Variants in NXPE2 observed in about 807,000 individuals in gnomAD.
NXPE2 encodes the protein neurexophilin and PC-esterase domain family member 2.
Under a neutral mutation model 34.4 loss-of-function variants are expected in NXPE2, and 34 were observed. That is an observed-to-expected ratio of 0.99 (90% CI 0.75 to 1.31). NXPE2 has a LOEUF of 1.31. Among genes scored for constraint, NXPE2 ranks in the 40% most tolerant of loss-of-function variants. The pLI, the probability that NXPE2 is intolerant of heterozygous loss-of-function variation, is 0.00. For synonymous variants in NXPE2, 235 were observed against 231.3 expected, an observed-to-expected ratio of 1.02 and a Z score of -0.15; for missense variants, 649 against 672.5, an observed-to-expected ratio of 0.97 and a Z score of 0.39.
the NXPE2 span, among the ~76,000 whole-genome samples, chr11:114,657,433 G>C: frequency 6.6e-6 from 1 of 152,066 alleles, no homozygotes; most frequent in Non-Finnish European, 1.5e-5. Flanking sequence ...CAGTATTAGT[G>C]ATATCCAAGA....
chr11:114,621,730 G>A, the NXPE2 span, among the ~76,000 whole-genome samples: 2 of 151,998 alleles, frequency 1.3e-5, no homozygotes, highest in African/African-American at 4.8e-5. Flanking sequence ...TTGCCCTGTG[G>A]GTAACCACGG....
the NXPE2 span, among the ~76,000 whole-genome samples, chr11:114,500,908 T>A: frequency 1.3e-5 from 2 of 152,218 alleles, no homozygotes; most frequent in African/African-American, 4.8e-5. Context: ...TTGGTGACTT[T>A]GTTGAAAATC....
chr11:114,629,466 A>C, the NXPE2 span, among the ~76,000 whole-genome samples: 4 of 151,480 alleles, frequency 2.6e-5, no homozygotes, highest in Admixed American at 6.6e-5. Flanking sequence ...GACAAAATTC[A>C]ACAACCCTTC....
the NXPE2 span, among the ~76,000 whole-genome samples, chr11:114,751,478 A>T: frequency 6.6e-6 from 1 of 152,172 alleles, no homozygotes; most frequent in Non-Finnish European, 1.5e-5. Context: ...TATATCAGTA[A>T]ACAAAAGTGA....
chr11:114,705,787 A>G lies in NXPE2; in HGVS notation c.935A>G (p.Glu312Gly). The G allele has an allele frequency of 6.8e-7, 1 of 1,462,982 alleles. No individual in the cohort carries two copies. The allele number at this position is 1,462,982 out of a possible 1,614,324, so 90.6% of individuals were successfully genotyped here. The change falls in exon 5 of 6, where the codon GAG becomes GGG. Residue 312 changes from glutamate to glycine, a missense_variant. Glu to Gly is a moderately conservative substitution (Grantham distance 98). Transcript: ENST00000389586. ...TGGAAATTTGTATTGCCAGAGAGCG[A>G]GAACATAAAAAAGAACTGCCAGATT... ...PIEVIPCNKS[E>G]NIKKNCQIGM...
At chr11:114,510,940 A>G in the NXPE2 span, among the ~76,000 whole-genome samples, 2 of 152,332 alleles carry the variant, frequency 1.3e-5, no homozygotes, top group Non-Finnish European at 2.9e-5. Flanking sequence ...TAGTAATGCA[A>G]ACACTAACTT....
At chr11:114,573,064 C>G in the NXPE2 span, among the ~76,000 whole-genome samples, 1 of 152,010 alleles carries the variant, frequency 6.6e-6, no homozygotes, top group African/African-American at 2.4e-5. Context: ...ATTTTAGCCT[C>G]CTTAAACAAA....
At chr11:114,638,625 T>A in the NXPE2 span, among the ~76,000 whole-genome samples, 1 of 152,064 alleles carries the variant, frequency 6.6e-6, no homozygotes, top group Non-Finnish European at 1.5e-5. Context: ...ATGATGGTGA[T>A]GTACAGATAG....
upstream of NXPE2, among the ~76,000 whole-genome samples, chr11:114,676,354 C>T (rs78390381): frequency 7.7e-4 from 117 of 151,814 alleles, no homozygotes; most frequent in East Asian, 0.022. Flanking sequence ...GCAAACCATA[C>T]ATCTGATAAG....
the NXPE2 span, among the ~76,000 whole-genome samples, chr11:114,754,030 C>A: frequency 2.0e-5 from 3 of 152,288 alleles, no homozygotes; most frequent in South Asian, 6.2e-4. Context: ...AGTTTTAAAT[C>A]ACTTCTTTGT....
At chr11:114,509,334 T>C in the NXPE2 span, among the ~76,000 whole-genome samples, 1 of 152,210 alleles carries the variant, frequency 6.6e-6, no homozygotes, top group African/African-American at 2.4e-5. Flanking sequence ...GAGTGTAAAT[T>C]AGTTCAGCCA....
chr11:114,715,964 G>T, the NXPE2 span, among the ~76,000 whole-genome samples: 12 of 152,146 alleles, frequency 7.9e-5, no homozygotes, highest in Non-Finnish European at 1.5e-4. Context: ...TTTCTTGGGT[G>T]ATGCCCAGGA....
chr11:114,773,279 A>ACCCCCCCCCCCCCCC, the NXPE2 span, among the ~76,000 whole-genome samples: 4 of 69,416 alleles, frequency 5.8e-5, no homozygotes, highest in Admixed American at 1.6e-4. Flanking sequence ...ACCCACTCCC[A>ACCCCCCCCCCCCCCC]CCCCCCCCCC....
At chr11:114,736,641 A>T in the NXPE2 span, among the ~76,000 whole-genome samples, 1 of 152,056 alleles carries the variant, frequency 6.6e-6, no homozygotes, top group Admixed American at 6.6e-5. Context: ...GAGGTGACAT[A>T]CATCCTCCTC....
At chr11:114,675,068 A>T (rs1218862519), upstream of NXPE2, among the ~76,000 whole-genome samples, 1 of 151,846 alleles carries the variant, frequency 6.6e-6, no homozygotes, top group Non-Finnish European at 1.5e-5. Flanking sequence ...ATCTCAATAG[A>T]TAAAGAAAAA....
At chr11:114,805,120 CT>C in the NXPE2 span, among the ~76,000 whole-genome samples, 12 of 151,880 alleles carry the variant, frequency 7.9e-5, no homozygotes, top group African/African-American at 2.9e-4. Context: ...ATGAAGCTTT[CT>C]CAGTGATTCC....
chr11:114,592,526 C>T, the NXPE2 span, among the ~76,000 whole-genome samples: 35 of 151,962 alleles, frequency 2.3e-4, no homozygotes, highest in Non-Finnish European at 4.6e-4. Context: ...CACACACACA[C>T]ACACTCACAC....
the NXPE2 span, among the ~76,000 whole-genome samples, chr11:114,479,109 C>T: frequency 6.6e-6 from 1 of 152,166 alleles, no homozygotes; most frequent in African/African-American, 2.4e-5. Context: ...AAATTCAGTG[C>T]CTTGAGCCCG....
At chr11:114,710,528 C>T (rs1448548615), downstream of NXPE2, among the ~76,000 whole-genome samples, 9 of 151,986 alleles carry the variant, frequency 5.9e-5, no homozygotes, top group African/African-American at 1.2e-4. Context: ...ATACAACCTA[C>T]GAAGACTGAA....
Sources: allele counts gnomAD v4.1 joint callset (sites outside exome capture counted in the v4.1 genomes callset), GRCh38; gene constraint gnomAD v4.1.1; transcripts MANE v1.5; gene names NCBI Gene and HGNC (gene_info 2026-07-23, HGNC 2026-07-21).